The following FNDC7 variants were observed in gnomAD, a reference collection of about 807,000 sequenced individuals.
The protein encoded by FNDC7 is fibronectin type III domain containing 7.
A neutral mutation model predicts 74.2 loss-of-function variants in FNDC7; 66 were observed. The ratio of observed to expected loss-of-function variants is 0.89; its 90% CI spans 0.73 to 1.09. The LOEUF (loss-of-function observed/expected upper bound fraction) is 1.09. Ranked by LOEUF, FNDC7 falls within the 50% of genes least tolerant of loss-of-function variation. The pLI, the probability that FNDC7 is intolerant of heterozygous loss-of-function variation, is 0.00. For missense variants in FNDC7, 829 were observed against 893.4 expected (o/e 0.93, Z 0.92); for synonymous variants, 307 against 330.2 (o/e 0.93, Z 0.76).
chr1:108,728,912 G>A (rs1286788886), intron 8 of FNDC7, 26 bp downstream of exon 8: 5 of 1,606,996 alleles, frequency 3.1e-6, no homozygotes, highest in Middle Eastern at 1.9e-4. Flanking sequence ...CAGCCTGAAT[G>A]TTGACTTCAG....
intron 1 of FNDC7, 143 bp from the exon 2 acceptor site, chr1:108,713,368 G>A: frequency 1.4e-6 from 1 of 718,976 alleles, no homozygotes; most frequent in Non-Finnish European, 2.4e-6. Flanking sequence ...TTTGTGTGGA[G>A]AAATACTTGT....
At chr1:108,740,027 T>C (rs1364076944) in intron 11 of FNDC7, among the ~76,000 whole-genome samples, 2 of 32,690 alleles carry the variant, frequency 6.1e-5, no homozygotes, top group Admixed American at 2.5e-4. Flanking sequence ...ACGCCATCTC[T>C]CTAAAAAAAA....
At chr1:108,736,498 T>C (rs1244090533) in intron 10 of FNDC7, among the ~76,000 whole-genome samples, 1 of 152,242 alleles carries the variant, frequency 6.6e-6, no homozygotes, top group Non-Finnish European at 1.5e-5. Context: ...AACTGTTGCC[T>C]GATATATTTG....
At chr1:108,728,359 A>G (rs933477342) in intron 7 of FNDC7, among the ~76,000 whole-genome samples, 1 of 152,198 alleles carries the variant, frequency 6.6e-6, no homozygotes, top group African/African-American at 2.4e-5. Flanking sequence ...TACTCACACC[A>G]TGAAGGTGTA....
At chr1:108,719,148 A>G in intron 4 of FNDC7, 99 bp downstream of exon 4, 5 of 1,327,984 alleles carry the variant, frequency 3.8e-6, no homozygotes, top group Non-Finnish European at 4.1e-6. Flanking sequence ...TGACAAGTAC[A>G]GAGCAGCTGG....
rs752344534 is a variant in FNDC7, at chr1:108,728,102, A to G, written c.1369+37A>G. On this transcript the variant is annotated intron_variant, in intron 7 of 12. Transcript: ENST00000370017. ...CTATCATTCCACTCACTGGTGTCTG[A>G]ATGATTCACCCCAGCTCTGAGCCTC... 5.6e-6 allele frequency: 9 copies of G among 1,597,310 alleles called. No homozygotes were observed. The South Asian group carries it at 1.0e-4, about 18-fold the overall frequency.
intron 2 of FNDC7, among the ~76,000 whole-genome samples, chr1:108,714,692 C>T (rs1044894949): frequency 6.8e-6 from 1 of 146,024 alleles, no homozygotes; most frequent in Non-Finnish European, 1.5e-5. Context: ...GCAAGCTCTG[C>T]CTCCCAGGTT....
chr1:108,719,432 C>T (rs1174416487), intron 4 of FNDC7, among the ~76,000 whole-genome samples: 1 of 152,210 alleles, frequency 6.6e-6, no homozygotes, highest in African/African-American at 2.4e-5. Flanking sequence ...ATTTGTTCAG[C>T]AGATACTGAG....
chr1:108,738,095 G>A (rs1401512506), intron 11 of FNDC7, among the ~76,000 whole-genome samples: 1 of 152,226 alleles, frequency 6.6e-6, no homozygotes, highest in South Asian at 2.1e-4. Flanking sequence ...CTGAGACTCC[G>A]TATTTCCATA....
intron 4 of FNDC7, 79 bp from the exon 5 acceptor site, chr1:108,722,256 G>T (rs1433134609): frequency 3.7e-6 from 5 of 1,360,346 alleles, no homozygotes; most frequent in African/African-American, 1.5e-5. Context: ...TATCCTCCAG[G>T]CTCTGCAACA....
chr1:108,740,842 T>C (rs1201444786), intron 11 of FNDC7, among the ~76,000 whole-genome samples: 1 of 152,282 alleles, frequency 6.6e-6, no homozygotes, highest in Non-Finnish European at 1.5e-5. Context: ...TGGTAGTTGT[T>C]AATTCATATT....
intron 6 of FNDC7, 84 bp downstream of exon 6, chr1:108,726,088 C>T (rs1661215841): frequency 1.3e-6 from 2 of 1,489,404 alleles, no homozygotes; most frequent in Admixed American, 1.8e-5. Context: ...CACTTATTGA[C>T]TTACCACCTG....
intron 2 of FNDC7, among the ~76,000 whole-genome samples, 179 bp downstream of exon 2, chr1:108,713,708 G>A (rs1279224097): frequency 2.0e-5 from 3 of 152,206 alleles, no homozygotes; most frequent in Non-Finnish European, 2.9e-5. Flanking sequence ...TAACTGGTAA[G>A]ACAAATAAAT....
At chr1:108,733,649 CTTTTTTT>C (rs397981150) in intron 10 of FNDC7, 117 bp downstream of exon 10, 29 of 614,300 alleles carry the variant, frequency 4.7e-5, no homozygotes, top group East Asian at 1.7e-4. Context: ...AAATTTCTTT[CTTTTTTT>C]TTTTTTTTTT....
chr1:108,741,566 C>G (rs1456797164), intron 11 of FNDC7, among the ~76,000 whole-genome samples: 2 of 152,162 alleles, frequency 1.3e-5, no homozygotes, highest in African/African-American at 4.8e-5. Context: ...TTTGGTGAAG[C>G]AGGAGAGAGA....
intron 11 of FNDC7, among the ~76,000 whole-genome samples, chr1:108,741,527 T>C (rs1661646699): frequency 6.6e-6 from 1 of 152,212 alleles, no homozygotes; most frequent in African/African-American, 2.4e-5. Flanking sequence ...ACCAGTGGTC[T>C]GGGATTAAAG....
intron 4 of FNDC7, among the ~76,000 whole-genome samples, chr1:108,722,007 T>C (rs1661102605): frequency 6.6e-6 from 1 of 152,262 alleles, no homozygotes; most frequent in Admixed American, 6.5e-5. Context: ...TATTAAATAA[T>C]GCATTAATTC....
At chr1:108,728,944 C>T in intron 8 of FNDC7, 58 bp downstream of exon 8, 2 of 1,579,402 alleles carry the variant, frequency 1.3e-6, no homozygotes, top group South Asian at 1.1e-5. Context: ...TGGAGTGTTT[C>T]AAGACATGAA....
Position 108,741,909 on chromosome 1 carries a change from C to T in FNDC7, c.*38-16C>T. ...TTTTTGTCTTTGTTTAAAATGTTTT[C>T]CCATTTGTCTTGCAGAGTTGTCTCA... On this transcript the variant is annotated splice_polypyrimidine_tract_variant and intron_variant, in intron 12 of 12. Coordinates refer to ENST00000370017, the MANE Select transcript of FNDC7 (RefSeq NM_001144937.3). 1 of 1,186,156 alleles carries T rather than the reference C, an allele frequency of 8.4e-7. No homozygotes were observed. The highest frequency in any genetic ancestry group is 1.2e-6 in the Non-Finnish European group (1 of 807,464). The allele number at this position is 1,186,156 out of a possible 1,614,324, so 73.5% of individuals were successfully genotyped here.
Sources: gnomAD v4.1 joint callset for allele counts (sites outside exome capture counted in the v4.1 genomes callset) on GRCh38, gnomAD v4.1.1 for gene constraint, MANE v1.5 for transcripts, NCBI Gene and HGNC (gene_info 2026-07-23, HGNC 2026-07-21) for gene names.